Variants in SLC2A9 observed in about 807,000 individuals in gnomAD.
The protein encoded by SLC2A9 is solute carrier family 2 member 9, also known as solute carrier family 2, facilitated glucose transporter member 9.
In SLC2A9, 39 loss-of-function variants were observed where a neutral mutation model predicts 50.6. That is an observed-to-expected ratio of 0.77 (90% CI 0.60 to 1.01). SLC2A9 has a LOEUF of 1.01. Among genes scored for constraint, SLC2A9 ranks in the 50% least tolerant of loss-of-function variants. SLC2A9 has a pLI of 0.00. For missense variants in SLC2A9, 686 were observed against 677.6 expected, an observed-to-expected ratio of 1.01 and a Z score of -0.14; for synonymous variants, 324 against 276.9, an observed-to-expected ratio of 1.17 and a Z score of -1.69.
chr4:10,030,098 A>T (rs966367911), intron 1 of SLC2A9, among the ~76,000 whole-genome samples: 8 of 152,264 alleles, frequency 5.3e-5, no homozygotes, highest in African/African-American at 1.9e-4. Context: ...CATGTCTATC[A>T]AAGGGAACAA....
intron 7 of SLC2A9, among the ~76,000 whole-genome samples, chr4:9,920,106 T>C (rs1356693271): frequency 1.3e-5 from 2 of 152,210 alleles, no homozygotes; most frequent in Non-Finnish European, 2.9e-5. Flanking sequence ...TAGACATGTC[T>C]AGGAATAATT....
chr4:9,855,062 C>T (rs947219927), intron 10 of SLC2A9, among the ~76,000 whole-genome samples: 1 of 152,144 alleles, frequency 6.6e-6, no homozygotes, highest in African/African-American at 2.4e-5. Context: ...GATAAGGCTG[C>T]CCACTCTTAC....
chr4:9,990,002 C>A (rs868181080), intron 3 of SLC2A9, among the ~76,000 whole-genome samples: 19 of 152,050 alleles, frequency 1.2e-4, no homozygotes, highest in South Asian at 4.1e-4. Context: ...CCCTCCCCAG[C>A]ATCTTCTGAC....
intron 6 of SLC2A9, among the ~76,000 whole-genome samples, chr4:9,935,443 GC>G (rs1746885682): frequency 6.6e-6 from 1 of 152,240 alleles, no homozygotes; most frequent in African/African-American, 2.4e-5. Context: ...GGAGCCTTGG[GC>G]CTGACACTAG....
chr4:9,772,214 G>A (rs912723470), intron 1 of SLC2A9, among the ~76,000 whole-genome samples: 3 of 152,164 alleles, frequency 2.0e-5, no homozygotes, highest in Admixed American at 6.5e-5. Context: ...AGCCATGCAA[G>A]CAAAAAGCAT....
At chr4:9,828,915 T>C (rs1725572667) in intron 11 of SLC2A9, among the ~76,000 whole-genome samples, 1 of 152,172 alleles carries the variant, frequency 6.6e-6, no homozygotes, top group Non-Finnish European at 1.5e-5. Context: ...ATACAGTAGA[T>C]GCTCTGAGTA....
intron 10 of SLC2A9, among the ~76,000 whole-genome samples, chr4:9,871,120 T>G (rs1733359400): frequency 6.6e-6 from 1 of 152,158 alleles, no homozygotes; most frequent in African/African-American, 2.4e-5. Context: ...TTCCCTGGTC[T>G]TCTTGAAAAA....
At chr4:9,828,423 G>A (rs536850130) in intron 11 of SLC2A9, among the ~76,000 whole-genome samples, 4 of 152,264 alleles carry the variant, frequency 2.6e-5, no homozygotes, top group African/African-American at 9.6e-5. Context: ...GACAAAACTT[G>A]TCACTCCTCT....
chr4:9,850,981 C>T (rs1462226390), intron 10 of SLC2A9, among the ~76,000 whole-genome samples: 1 of 151,916 alleles, frequency 6.6e-6, no homozygotes, highest in Non-Finnish European at 1.5e-5. Flanking sequence ...CCACCCCCAC[C>T]AGTGTCCCAC....
chr4:9,880,237 G>A (rs923411955), intron 10 of SLC2A9: 2 of 985,376 alleles, frequency 2.0e-6, no homozygotes, highest in African/African-American at 1.7e-5. Flanking sequence ...CTCAATGTGA[G>A]TTTAAATGAA....
rs2276962 is a variant in SLC2A9 at position 10,021,256 on chromosome 4, T to C, written c.150+24A>G. On this transcript the variant is annotated intron_variant, in intron 1 of 11. Coordinates refer to ENST00000264784, the MANE Select transcript of SLC2A9 (RefSeq NM_020041.3). ...TGCCTTCCCCACAGCCCGCCAGCCA[T>C]GCAGAAAAGCTGTCCGTAGTTACCT... 0.054 allele frequency: 86,246 copies of C among 1,611,592 alleles called. 5,913 individuals carry two copies. Among genetic ancestry groups the C allele is most frequent in the East Asian group, 0.4 (17,860 of 44,870 alleles).
intron 6 of SLC2A9, among the ~76,000 whole-genome samples, chr4:9,927,635 G>T (rs1745144678): frequency 6.6e-6 from 1 of 152,222 alleles, no homozygotes; most frequent in Non-Finnish European, 1.5e-5. Flanking sequence ...TTAAGAGGAG[G>T]AAGTCATTGG....
At chr4:9,824,412 A>G (rs1191901077), downstream of SLC2A9, among the ~76,000 whole-genome samples, 1 of 152,190 alleles carries the variant, frequency 6.6e-6, no homozygotes, top group Non-Finnish European at 1.5e-5. Flanking sequence ...AGCTTTTCAA[A>G]TAAAATAACA....
intron 5 of SLC2A9, among the ~76,000 whole-genome samples, chr4:9,958,048 T>C (rs770889985): frequency 1.3e-5 from 2 of 152,122 alleles, no homozygotes; most frequent in Non-Finnish European, 2.9e-5. Flanking sequence ...AGTTCACATA[T>C]AAGTGATCAA....
Position 9,985,781 on chromosome 4 carries a change from C to T in SLC2A9, c.423G>A (p.Leu141=), listed in dbSNP as rs777498764. Residue 141 remains leucine, a synonymous_variant, in exon 4 of 12, where the codon TTG becomes TTA. Coordinates refer to ENST00000264784, the MANE Select transcript of SLC2A9 (RefSeq NM_020041.3). ...IGKVLGRKHT[L]LANNGFAISA... ...AAATTGCAAACCCATTATTGGCCAGCAAAGTGTGCTTCCTGGAAAGAAAGG... is the reference window on the plus strand; with the variant it reads ...AAATTGCAAACCCATTATTGGCCAGTAAAGTGTGCTTCCTGGAAAGAAAGG... The T allele has an allele frequency of 4.3e-6, 7 of 1,614,026 alleles. No individual in the cohort carries two copies. The highest frequency in any genetic ancestry group is 2.2e-5 in the South Asian group (2 of 91,080).
chr4:9,853,585 C>G (rs1730294590), intron 10 of SLC2A9, among the ~76,000 whole-genome samples: 1 of 152,144 alleles, frequency 6.6e-6, no homozygotes, highest in Non-Finnish European at 1.5e-5. Flanking sequence ...CAGTATCAGA[C>G]AGATGATCAG....
At chr4:10,020,548 C>A (rs988362149) in intron 1 of SLC2A9, among the ~76,000 whole-genome samples, 1 of 152,180 alleles carries the variant, frequency 6.6e-6, no homozygotes, top group African/African-American at 2.4e-5. Context: ...GTGAGAGGAG[C>A]TTGAGCTGAA....
intron 10 of SLC2A9, among the ~76,000 whole-genome samples, chr4:9,882,700 C>T (rs6839302): frequency 0.35 from 47,773 of 134,728 alleles, 9,647 homozygotes; most frequent in African/African-American, 0.57. Flanking sequence ...CAGAGTGAGA[C>T]TCTGTCTCAA....
chr4:9,983,365 A>T (rs188598673), intron 4 of SLC2A9, among the ~76,000 whole-genome samples: 1 of 152,354 alleles, frequency 6.6e-6, no homozygotes, highest in East Asian at 1.9e-4. Context: ...TGCTTGGGCC[A>T]AAGGGACACC....
Sources: gnomAD v4.1 joint callset for allele counts (sites outside exome capture counted in the v4.1 genomes callset) on GRCh38, gnomAD v4.1.1 for gene constraint, MANE v1.5 for transcripts, NCBI Gene and HGNC (gene_info 2026-07-23, HGNC 2026-07-21) for gene names.